The following RNF216 variants were observed in gnomAD, a reference collection of about 807,000 sequenced individuals.
The protein encoded by RNF216 is E3 ubiquitin-protein ligase RNF216.
A neutral mutation model predicts 110.8 loss-of-function variants in RNF216; 72 were observed. The ratio of observed to expected loss-of-function variants is 0.65; its 90% CI spans 0.54 to 0.79. RNF216 has a LOEUF of 0.79. Among genes scored for constraint, RNF216 ranks in the 30% least tolerant of loss-of-function variants. The probability of loss-of-function intolerance (pLI) is 0.00; values close to 1 mark genes in which losing one functional copy is unlikely to be tolerated. For missense variants in RNF216, 1,342 were observed against 1,141.2 expected (o/e 1.18, Z -2.54); for synonymous variants, 495 against 407.5 (o/e 1.21, Z -2.59).
intron 4 of RNF216, among the ~76,000 whole-genome samples, chr7:5,739,977 T>G (rs535624465): frequency 4.1e-5 from 6 of 144,660 alleles, no homozygotes; most frequent in African/African-American, 1.3e-4. Context: ...TACCCCAGCC[T>G]GGGTGACAGA....
At chr7:5,626,186 G>C (rs188704867) in intron 15 of RNF216, among the ~76,000 whole-genome samples, 1 of 152,282 alleles carries the variant, frequency 6.6e-6, no homozygotes, top group East Asian at 1.9e-4. Flanking sequence ...AAAACCCCCA[G>C]ATGAGGTCAT....
chr7:5,641,647 C>T (rs561914168), intron 14 of RNF216, among the ~76,000 whole-genome samples: 1 of 152,194 alleles, frequency 6.6e-6, no homozygotes, highest in East Asian at 1.9e-4. Context: ...TTGAGAATTA[C>T]AGACAAAATA....
chr7:5,666,018 T>C (rs562861135), intron 13 of RNF216, among the ~76,000 whole-genome samples: 6 of 151,082 alleles, frequency 4.0e-5, no homozygotes, highest in Admixed American at 1.3e-4. Context: ...ACAAAAAAAT[T>C]AGCCGGGCGT....
chr7:5,638,649 TG>T (rs1554345703), intron 15 of RNF216, among the ~76,000 whole-genome samples: 4 of 149,726 alleles, frequency 2.7e-5, no homozygotes, highest in Non-Finnish European at 4.5e-5. Context: ...TTTTTTTTTT[TG>T]GGGGGGAGAC....
chr7:5,745,581 G>A (rs1351658107), intron 3 of RNF216, among the ~76,000 whole-genome samples: 1 of 152,104 alleles, frequency 6.6e-6, no homozygotes, highest in African/African-American at 2.4e-5. Context: ...ATAATGGTAA[G>A]GTGATTGAGT....
chr7:5,734,468 T>C (rs548666596), intron 5 of RNF216, among the ~76,000 whole-genome samples: 2 of 152,290 alleles, frequency 1.3e-5, no homozygotes, highest in South Asian at 4.1e-4. Flanking sequence ...ATTATTGAGC[T>C]GTGCATCTTT....
intron 1 of RNF216, among the ~76,000 whole-genome samples, chr7:5,765,129 G>C (rs1796136321): frequency 6.7e-6 from 1 of 150,190 alleles, no homozygotes; most frequent in African/African-American, 2.4e-5. Flanking sequence ...AAGACTAAGA[G>C]AGTTTACCTC....
At chr7:5,725,532 A>T (rs1793697383) in intron 7 of RNF216, 94 bp from the exon 8 acceptor site, 1 of 757,254 alleles carries the variant, frequency 1.3e-6, no homozygotes, top group Admixed American at 2.1e-5. Context: ...ACACAGTTTC[A>T]GCTGTCTACC....
chr7:5,747,517 G>A (rs371017395), intron 3 of RNF216, among the ~76,000 whole-genome samples: 7 of 152,126 alleles, frequency 4.6e-5, no homozygotes, highest in East Asian at 3.9e-4. Context: ...TCAGCTCTAC[G>A]GTGTTATCTG....
intron 1 of RNF216, among the ~76,000 whole-genome samples, chr7:5,774,570 C>A (rs4724726): frequency 1.2e-4 from 19 of 152,064 alleles, no homozygotes; most frequent in Non-Finnish European, 2.1e-4. Flanking sequence ...CTGTTACCTG[C>A]GAAACAGAAA....
At chr7:5,682,802 T>TA (rs1474198677) in intron 13 of RNF216, among the ~76,000 whole-genome samples, 1 of 152,196 alleles carries the variant, frequency 6.6e-6, no homozygotes, top group African/African-American at 2.4e-5. Context: ...CCAAGAGTCT[T>TA]AAGCAAATGG....
Position 5,741,546 on chromosome 7 carries a change from C to G in RNF216, c.471G>C (p.Lys157Asn). ...KPSGQTEREPKPGPSHNQAAN... is the reference protein window; with the variant it reads ...KPSGQTEREPNPGPSHNQAAN... ...CTGCTTGGTTATGACTCGGTCCAGG[C>G]TTGGGTTCTCTTTCTGTTTGGCCAC... is the stretch of plus-strand genomic sequence containing the variant. The change falls in exon 4 of 17, where the codon AAG becomes AAC. Residue 157 changes from lysine to asparagine, a missense_variant. Physicochemically the swap from Lys to Asn is moderately conservative, Grantham distance 94. Coordinates refer to ENST00000389902, the MANE Select transcript of RNF216 (RefSeq NM_207111.4). 6.2e-7 allele frequency: 1 copy of G among 1,614,152 alleles called. No individual in the cohort carries two copies. Among genetic ancestry groups the G allele is most frequent in the East Asian group, 2.2e-5 (1 of 44,882 alleles).
At chr7:5,626,110 C>A (rs1786686710) in intron 15 of RNF216, among the ~76,000 whole-genome samples, 1 of 152,182 alleles carries the variant, frequency 6.6e-6, no homozygotes, top group South Asian at 2.1e-4. Context: ...CCACAGAATC[C>A]TATGTCTGGA....
chr7:5,664,584 C>A (rs1789381613), intron 13 of RNF216, among the ~76,000 whole-genome samples: 1 of 152,194 alleles, frequency 6.6e-6, no homozygotes. Context: ...CCCAAGAGAA[C>A]TTCTGGTTTA....
At chr7:5,651,798 G>A (rs1788408260) in intron 14 of RNF216, among the ~76,000 whole-genome samples, 1 of 152,066 alleles carries the variant, frequency 6.6e-6, no homozygotes, top group Non-Finnish European at 1.5e-5. Context: ...ACAGGCAAGC[G>A]CCACCATACC....
rs1164040149 is a variant in RNF216 at position 5,712,647 on chromosome 7, G to C, written c.1982+68C>G. 5 of 1,474,592 alleles carry C rather than the reference G, an allele frequency of 3.4e-6. No homozygotes were observed. In the African/African-American group the frequency reaches 4.2e-5, roughly 12 times the overall value. The allele number at this position is 1,474,592 out of a possible 1,614,324, so 91.3% of individuals were successfully genotyped here. A position where few individuals can be genotyped will look rare whatever the true frequency, so the allele number is the denominator to read the frequency against. On this transcript the variant is annotated intron_variant, in intron 12 of 16. Coordinates refer to ENST00000389902, the MANE Select transcript of RNF216 (RefSeq NM_207111.4). ...ATAAACACAATTTTCATCATCTGAT[G>C]CAAGTGCCCAGGTAGTTTTCACAAT...
chr7:5,664,802 T>C (rs1584406785), intron 13 of RNF216, among the ~76,000 whole-genome samples: 1 of 152,340 alleles, frequency 6.6e-6, no homozygotes, highest in South Asian at 2.1e-4. Context: ...TTCTTTTTTT[T>C]CTTTTTTCTT....
chr7:5,756,084 G>A (rs1013222071), intron 2 of RNF216, among the ~76,000 whole-genome samples: 6 of 151,134 alleles, frequency 4.0e-5, no homozygotes, highest in Non-Finnish European at 5.9e-5. Flanking sequence ...GGATCATGGG[G>A]GCAGTTTCCC....
At chr7:5,738,087 CAAAA>C (rs200643372) in intron 5 of RNF216, among the ~76,000 whole-genome samples, 6 of 110,978 alleles carry the variant, frequency 5.4e-5, no homozygotes, top group South Asian at 2.8e-4. Flanking sequence ...AGACTGTCTC[CAAAA>C]AAAAAAAAAA....
Sources: gnomAD v4.1 joint callset for allele counts (sites outside exome capture counted in the v4.1 genomes callset) on GRCh38, gnomAD v4.1.1 for gene constraint, MANE v1.5 for transcripts, NCBI Gene and HGNC (gene_info 2026-07-23, HGNC 2026-07-21) for gene names.